Variants in ATP11A observed in about 807,000 individuals in gnomAD.
ATP11A encodes the protein ATPase phospholipid transporting 11A.
A neutral mutation model predicts 154.4 loss-of-function variants in ATP11A; 81 were observed. The ratio of observed to expected loss-of-function variants is 0.52; its 90% confidence interval spans 0.44 to 0.63. The LOEUF is 0.63. ATP11A is among the 30% of genes least tolerant of loss of function. ATP11A has a pLI of 0.00. For synonymous variants in ATP11A, 623 were observed against 585.9 expected (o/e 1.06, Z -0.91); for missense variants, 1,316 against 1,474.3 (o/e 0.89, Z 1.76).
chr13:112,783,507 G>A (rs929512153), intron 1 of ATP11A, among the ~76,000 whole-genome samples: 1 of 152,254 alleles, frequency 6.6e-6, no homozygotes, highest in Non-Finnish European at 1.5e-5. Flanking sequence ...TGCCTGCGGC[G>A]AGGAGTGGCC....
At chr13:112,825,322 C>T in intron 10 of ATP11A, 108 bp from the exon 11 acceptor site, 1 of 1,272,666 alleles carries the variant, frequency 7.9e-7, no homozygotes, top group Non-Finnish European at 1.1e-6. Context: ...CATCACTGTG[C>T]CCTTCCTATT....
intron 1 of ATP11A, among the ~76,000 whole-genome samples, chr13:112,772,201 C>T (rs996133071): frequency 2.6e-5 from 4 of 152,154 alleles, no homozygotes; most frequent in African/African-American, 9.7e-5. Context: ...TTTATTATGT[C>T]AACAGTGCTC....
At chr13:112,876,458 C>T (rs1278757) in intron 28 of ATP11A, among the ~76,000 whole-genome samples, 45,331 of 151,636 alleles carry the variant, frequency 0.3, 7,509 homozygotes, top group South Asian at 0.43. Flanking sequence ...GACTTAGCTC[C>T]CGGTCCCCCA....
At chr13:112,733,151 A>G (rs1448029280) in intron 1 of ATP11A, among the ~76,000 whole-genome samples, 6 of 152,254 alleles carry the variant, frequency 3.9e-5, no homozygotes, top group Non-Finnish European at 8.8e-5. Flanking sequence ...CACTATTAAT[A>G]TTTAACAAGG....
At chr13:112,709,313 G>A (rs555751354) in intron 1 of ATP11A, among the ~76,000 whole-genome samples, 83 of 152,290 alleles carry the variant, frequency 5.5e-4, no homozygotes, top group African/African-American at 1.9e-3. Flanking sequence ...AAATCAAAAT[G>A]TTTTACCCCA....
chr13:112,783,868 A>T (rs2140021334), intron 1 of ATP11A, among the ~76,000 whole-genome samples: 1 of 151,872 alleles, frequency 6.6e-6, no homozygotes, highest in South Asian at 2.1e-4. Context: ...TGTTTCCTTA[A>T]CTCCTCCAAA....
intron 1 of ATP11A, among the ~76,000 whole-genome samples, chr13:112,713,328 G>A (rs1887981748): frequency 6.6e-6 from 1 of 152,196 alleles, no homozygotes; most frequent in South Asian, 2.1e-4. Context: ...CTGGGAGGCG[G>A]AGGTTGCAGT....
At chr13:112,771,130 G>A (rs1395349724) in intron 1 of ATP11A, among the ~76,000 whole-genome samples, 1 of 152,192 alleles carries the variant, frequency 6.6e-6, no homozygotes, top group Admixed American at 6.5e-5. Context: ...CTTTGTCCCT[G>A]CATGCATTCT....
intron 2 of ATP11A, among the ~76,000 whole-genome samples, chr13:112,800,295 C>T (rs572779839): frequency 1.5e-4 from 22 of 151,576 alleles, no homozygotes; most frequent in Non-Finnish European, 2.9e-4. Context: ...AAATTCCAAA[C>T]ATCAGAAATA....
At chr13:112,704,332 C>T (rs558194084) in intron 1 of ATP11A, among the ~76,000 whole-genome samples, 2 of 152,332 alleles carry the variant, frequency 1.3e-5, no homozygotes, top group East Asian at 3.9e-4. Context: ...TTAGGGTGGC[C>T]TCTGGCGATT....
chr13:112,716,561 C>T lies in ATP11A; in HGVS notation c.39+26106C>T, dbSNP rs150995589. Among the ~76,000 whole-genome samples the T allele has an allele frequency of 4.3e-3, 650 of 152,324 alleles. 6 individuals carry two copies. The highest frequency in any genetic ancestry group is 0.015 in the African/African-American group (615 of 41,574). On this transcript the variant is annotated intron_variant, in intron 1 of 29. Coordinates refer to ENST00000375645, the MANE Select transcript of ATP11A (RefSeq NM_015205.3). ...GCAAGGAGGCCTCCTGGGACTGGGG[C>T]GTTCCCCACCTTCCACTGTGCCGGT...
rs2079305090 is a variant in ATP11A at position 112,838,564 on chromosome 13, T to A, written c.1705+2313T>A. Reference sequence around the variant, plus strand: ...ACGCTCACAAGGGGTTTTTGCTGCATCCTGAATGCCCAAGACCTCAGGGCA... The same window carrying A: ...ACGCTCACAAGGGGTTTTTGCTGCAACCTGAATGCCCAAGACCTCAGGGCA... On this transcript the variant is annotated intron_variant, in intron 16 of 29. Transcript: ENST00000375645. The surrounding 1 kb of genome is among the most constrained non-coding windows in gnomAD (Gnocchi z 7.3). Among the ~76,000 whole-genome samples, 1 of 152,208 alleles carries A rather than the reference T, an allele frequency of 6.6e-6. No homozygotes were observed. The highest frequency in any genetic ancestry group is 1.5e-5 in the Non-Finnish European group (1 of 68,028).
In ATP11A at chr13:112,832,979, C is replaced by T. The variant is rs779840989; in HGVS notation, c.1515C>T (p.Ile505=). ...ACGGGGGGAAATCCTGTGTGTACATCTCATCCTCGCCCGACGAGGTGGCGC... is the reference window on the plus strand; with the variant it reads ...ACGGGGGGAAATCCTGTGTGTACATTTCATCCTCGCCCGACGAGGTGGCGC... The part of the protein sequence containing the change: ...SPDGGKSCVY[I]SSSPDEVALV... Residue 505 remains isoleucine (I), a synonymous_variant, in exon 14 of 30, where the codon ATC becomes ATT. Transcript: ENST00000375645. The T allele has an allele frequency of 3.0e-5, 49 of 1,613,632 alleles. No individual in the cohort carries two copies. Among genetic ancestry groups the T allele is most frequent in the Non-Finnish European group, 4.2e-5 (49 of 1,179,902 alleles).
intron 8 of ATP11A, among the ~76,000 whole-genome samples, chr13:112,821,115 T>C (rs1349895533): frequency 6.6e-6 from 1 of 152,200 alleles, no homozygotes; most frequent in Non-Finnish European, 1.5e-5. Context: ...CTTGTATTTC[T>C]GTGTGCCGTG....
chr13:112,772,981 C>T (rs1163066943), intron 1 of ATP11A, among the ~76,000 whole-genome samples: 1 of 152,132 alleles, frequency 6.6e-6, no homozygotes, highest in Non-Finnish European at 1.5e-5. Flanking sequence ...AATGGCTCTG[C>T]CATGAAAGCC....
At chr13:112,852,179 A>G (rs1407789355) in intron 18 of ATP11A, among the ~76,000 whole-genome samples, 3 of 152,182 alleles carry the variant, frequency 2.0e-5, no homozygotes, top group East Asian at 1.9e-4. Flanking sequence ...GGAATGGAAG[A>G]AAAAAAATGC....
At chr13:112,725,861 G>A (rs1054375114) in intron 1 of ATP11A, among the ~76,000 whole-genome samples, 17 of 152,212 alleles carry the variant, frequency 1.1e-4, no homozygotes, top group African/African-American at 2.9e-4. Flanking sequence ...GGGTGAAGGA[G>A]GCTGAGAGAG....
Position 112,851,074 on chromosome 13 carries a change from T to C in ATP11A, c.1847T>C (p.Leu616Pro). Residue 616 changes from leucine to proline, a missense_variant, in exon 18 of 30, where the codon CTG becomes CCG. Leu to Pro is a moderately conservative substitution (Grantham distance 98). Coordinates refer to ENST00000375645, the MANE Select transcript of ATP11A (RefSeq NM_015205.3). ...ACTTTGTGTGTTGCTTATAAAAGGC[T>C]GATCCAAGAAGAATATGAAGGCATT... Reference protein sequence around the residue: ...LRTLCVAYKRLIQEEYEGICK... With the variant: ...LRTLCVAYKRPIQEEYEGICK... The C allele has an allele frequency of 6.2e-7, 1 of 1,614,234 alleles. No individual in the cohort carries two copies. The highest frequency in any genetic ancestry group is 8.5e-7 in the Non-Finnish European group (1 of 1,180,026).
At chr13:112,821,739 C>A (rs949169486) in intron 8 of ATP11A, among the ~76,000 whole-genome samples, 1 of 152,180 alleles carries the variant, frequency 6.6e-6, no homozygotes, top group South Asian at 2.1e-4. Context: ...TTCAGAGTGA[C>A]GTTTCTTCTT....
Sources: allele counts gnomAD v4.1 joint callset (sites outside exome capture counted in the v4.1 genomes callset), GRCh38; gene constraint gnomAD v4.1.1; non-coding constraint Gnocchi (gnomAD v3.1); transcripts MANE v1.5; gene names NCBI Gene and HGNC (gene_info 2026-07-23, HGNC 2026-07-21).